SLC2A13: variants seen among roughly 807,000 people sequenced by gnomAD.
SLC2A13 encodes the protein solute carrier family 2 member 13.
Under a neutral mutation model 64.4 loss-of-function variants are expected in SLC2A13, and 32 were observed. That is an observed-to-expected ratio of 0.50 (90% confidence interval 0.37 to 0.67). The LOEUF (loss-of-function observed/expected upper bound fraction) is 0.67. Ranked by LOEUF, SLC2A13 falls within the 30% of genes least tolerant of loss-of-function variation. SLC2A13 has a pLI of 0.00. For missense variants in SLC2A13, 743 were observed against 829.2 expected (o/e 0.90, Z 1.28); for synonymous variants, 338 against 327.1 (o/e 1.03, Z -0.36).
chr12:39,960,205 T>C (rs2136112383), intron 3 of SLC2A13, among the ~76,000 whole-genome samples: 1 of 152,362 alleles, frequency 6.6e-6, no homozygotes, highest in South Asian at 2.1e-4. Context: ...GTTTCTATTA[T>C]CATTGGTATC....
At chr12:39,968,098 G>A (rs1424321530) in intron 3 of SLC2A13, among the ~76,000 whole-genome samples, 1 of 152,098 alleles carries the variant, frequency 6.6e-6, no homozygotes, top group Non-Finnish European at 1.5e-5. Flanking sequence ...ACATACCCGA[G>A]ATTGGGTAAT....
At chr12:39,934,648 T>C (rs926657441) in intron 4 of SLC2A13, among the ~76,000 whole-genome samples, 7 of 152,206 alleles carry the variant, frequency 4.6e-5, no homozygotes, top group African/African-American at 1.4e-4. Flanking sequence ...AGAGGGATCA[T>C]TGGAAGAATC....
At position 40,055,560 on chromosome 12, in the gene SLC2A13, G is replaced by A. The variant is rs568595110; in HGVS notation, c.557-7350C>T. Among the ~76,000 whole-genome samples the A allele has an allele frequency of 2.0e-5, 3 of 152,290 alleles. No individual in the cohort carries two copies. In the South Asian group the frequency reaches 6.2e-4, roughly 32 times the overall value. ...AGTTGCCTAAGTGTCAAGCCTAAGG[G>A]CGTAGACTAAGTTATTGATTAATAA... On this transcript the variant is annotated intron_variant, in intron 1 of 9. Coordinates refer to ENST00000280871, the MANE Select transcript of SLC2A13 (RefSeq NM_052885.4).
At chr12:40,047,112 G>C (rs1048195599) in intron 2 of SLC2A13, among the ~76,000 whole-genome samples, 5 of 152,014 alleles carry the variant, frequency 3.3e-5, no homozygotes, top group Non-Finnish European at 7.4e-5. Flanking sequence ...ATGTTGGCCA[G>C]GCTGGTCTCA....
At chr12:40,092,447 G>A (rs1938799297) in intron 1 of SLC2A13, among the ~76,000 whole-genome samples, 1 of 152,110 alleles carries the variant, frequency 6.6e-6, no homozygotes. Flanking sequence ...AAAAGGATCA[G>A]ATCAACCTCA....
intron 7 of SLC2A13, among the ~76,000 whole-genome samples, chr12:39,796,493 C>G (rs1941580578): frequency 6.6e-6 from 1 of 151,600 alleles, no homozygotes; most frequent in African/African-American, 2.4e-5. Context: ...AGGCCATTTC[C>G]TTAAAAGCAA....
intron 6 of SLC2A13, among the ~76,000 whole-genome samples, chr12:39,860,187 T>A (rs550937476): frequency 5.3e-5 from 8 of 152,108 alleles, no homozygotes; most frequent in Non-Finnish European, 1.0e-4. Context: ...AGGAGAGGAG[T>A]GTGACTTATT....
At chr12:39,922,428 G>C (rs1945630757) in intron 4 of SLC2A13, among the ~76,000 whole-genome samples, 1 of 152,144 alleles carries the variant, frequency 6.6e-6, no homozygotes, top group African/African-American at 2.4e-5. Flanking sequence ...GTTGGTCTGT[G>C]TCCCAAGTCA....
chr12:39,988,697 G>T (rs377560400), intron 3 of SLC2A13, among the ~76,000 whole-genome samples: 2 of 46,824 alleles, frequency 4.3e-5, no homozygotes, highest in African/African-American at 1.3e-4. Context: ...GAGGGAGGAA[G>T]GAAGGAAGGA....
rs947876739 is a variant in SLC2A13, at chr12:39,756,232, C to T, written c.*3794G>A. 8.6e-5 allele frequency: 13 copies of T among 151,890 alleles called. No homozygotes were observed. The highest frequency in any genetic ancestry group is 3.1e-4 in the African/African-American group (13 of 41,386). The allele number at this position is 151,890 out of a possible 1,614,324, so 9.4% of individuals were successfully genotyped here. ...GCTACATATGAGCTATAAATTTTAA[C>T]CACAATTTAATACATTTTGCTATAA... On this transcript the variant is annotated 3_prime_UTR_variant, in exon 10 of 10. Coordinates refer to ENST00000280871, the MANE Select transcript of SLC2A13 (RefSeq NM_052885.4).
intron 1 of SLC2A13, among the ~76,000 whole-genome samples, chr12:40,056,009 A>G (rs1209979768): frequency 6.6e-6 from 1 of 151,622 alleles, no homozygotes; most frequent in African/African-American, 2.4e-5. Context: ...AACAAAACAA[A>G]CAACAAAAAA....
At chr12:39,860,968 G>T (rs1452967310) in intron 6 of SLC2A13, among the ~76,000 whole-genome samples, 2 of 152,142 alleles carry the variant, frequency 1.3e-5, no homozygotes, top group African/African-American at 4.8e-5. Context: ...TTAGACTGAA[G>T]ATCAAAAACC....
In SLC2A13 at chr12:39,915,106, T is replaced by C. The variant is rs552727876; in HGVS notation, c.1034+36151A>G. 2.0e-5 allele frequency among the ~76,000 whole-genome samples: 3 copies of C among 152,066 alleles called. No individual in the cohort carries two copies. The East Asian group carries it at 5.8e-4, about 29-fold the overall frequency. On this transcript the variant is annotated intron_variant, in intron 4 of 9. Transcript: ENST00000280871. ...AAATGACCAAAGCATATGGATAAAA[T>C]GCAGCAGTTAAAAGAATTAAAAGTG...
At chr12:39,963,929 ACT>A (rs1374824793) in intron 3 of SLC2A13, among the ~76,000 whole-genome samples, 1 of 152,158 alleles carries the variant, frequency 6.6e-6, no homozygotes, top group Non-Finnish European at 1.5e-5. Flanking sequence ...AAAAAATAAA[ACT>A]CAGCCTGAAT....
rs540621658 is a variant in SLC2A13 at position 40,098,761 on chromosome 12, C to G, written c.556+6492G>C. On this transcript the variant is annotated intron_variant, in intron 1 of 9. Transcript: ENST00000280871. The stretch of plus-strand genomic sequence containing the variant: ...AAATAAAGGTAACCGTATTATCCCC[C>G]TGGGTTATTATGAAGACTATGTGAA... Among the ~76,000 whole-genome samples the G allele has an allele frequency of 3.9e-5, 6 of 152,330 alleles. No individual in the cohort carries two copies. In the East Asian group the frequency reaches 1.2e-3, roughly 29 times the overall value.
At chr12:40,019,365 T>TCC (rs1947675688) in intron 3 of SLC2A13, among the ~76,000 whole-genome samples, 1 of 152,198 alleles carries the variant, frequency 6.6e-6, no homozygotes, top group African/African-American at 2.4e-5. Context: ...CCTAATTTTT[T>TCC]TTTTTTTCCT....
intron 4 of SLC2A13, among the ~76,000 whole-genome samples, chr12:39,895,515 TA>T (rs1944733466): frequency 0.074 from 51 of 692 alleles, 2 homozygotes; most frequent in East Asian, 0.33. Context: ...AAAAAAAAAT[TA>T]TATATATATA....
intron 1 of SLC2A13, among the ~76,000 whole-genome samples, chr12:40,075,934 G>A (rs1938154876): frequency 6.6e-6 from 1 of 151,990 alleles, no homozygotes; most frequent in South Asian, 2.1e-4. Flanking sequence ...GTGTTTTTCT[G>A]TTGAGAACTT....
chr12:39,920,229 TACAG>T (rs1945592118), intron 4 of SLC2A13, among the ~76,000 whole-genome samples: 1 of 152,136 alleles, frequency 6.6e-6, no homozygotes, highest in Non-Finnish European at 1.5e-5. Flanking sequence ...TTTCTATACT[TACAG>T]AATCAGCCAT....
Sources: gnomAD v4.1 joint callset for allele counts (sites outside exome capture counted in the v4.1 genomes callset) on GRCh38, gnomAD v4.1.1 for gene constraint, MANE v1.5 for transcripts, NCBI Gene and HGNC (gene_info 2026-07-23, HGNC 2026-07-21) for gene names.